Variants in KDM1A observed in about 807,000 individuals in gnomAD.
The protein encoded by KDM1A is lysine demethylase 1A.
KDM1A carries 49 observed loss-of-function variants against 109.4 expected under a neutral mutation model. The ratio of observed to expected loss-of-function variants is 0.45; its 90% confidence interval spans 0.36 to 0.57. The LOEUF (loss-of-function observed/expected upper bound fraction) is 0.57. KDM1A is among the 20% of genes least tolerant of loss of function. The pLI is 0.00. For synonymous variants in KDM1A, 380 were observed against 415.4 expected (o/e 0.91, Z 1.04); for missense variants, 668 against 1,116.6 (o/e 0.60, Z 5.73).
chr1:23,059,483 C>A, intron 9 of KDM1A: 1 of 373,618 alleles, frequency 2.7e-6, no homozygotes. Context: ...GGAATTGAAA[C>A]CTGATTCTTC....
chr1:23,070,558 C>T (rs1643287161), intron 12 of KDM1A, among the ~76,000 whole-genome samples: 1 of 152,038 alleles, frequency 6.6e-6, no homozygotes, highest in South Asian at 2.1e-4. Flanking sequence ...CCTGTAATCC[C>T]AGCACTTTGG....
chr1:23,059,828 A>T (rs776502138), intron 9 of KDM1A, among the ~76,000 whole-genome samples: 3 of 152,236 alleles, frequency 2.0e-5, no homozygotes, highest in Non-Finnish European at 4.4e-5. Flanking sequence ...GACTGCCTTT[A>T]TCAAAATGAG....
chr1:23,042,634 A>G (rs1488211072), intron 2 of KDM1A, among the ~76,000 whole-genome samples: 3 of 149,228 alleles, frequency 2.0e-5, no homozygotes, highest in Admixed American at 6.7e-5. Context: ...TTGTATTTTT[A>G]GTAGAGACGG....
chr1:23,071,933 C>T (rs993119316), intron 13 of KDM1A, among the ~76,000 whole-genome samples, 191 bp from the exon 14 acceptor site: 2 of 152,038 alleles, frequency 1.3e-5, no homozygotes, highest in African/African-American at 4.8e-5. Context: ...ATATTCCAGG[C>T]CCCCAACTGT....
intron 2 of KDM1A, among the ~76,000 whole-genome samples, chr1:23,043,471 G>T (rs1008390518): frequency 2.0e-5 from 3 of 152,060 alleles, no homozygotes; most frequent in African/African-American, 7.2e-5. Context: ...CTTTCTTATT[G>T]GGGTACGTAT....
intron 1 of KDM1A, among the ~76,000 whole-genome samples, chr1:23,025,668 T>C (rs939171190): frequency 1.3e-5 from 2 of 152,064 alleles, no homozygotes; most frequent in Admixed American, 6.6e-5. Flanking sequence ...AGAAATAATC[T>C]TCAGAGGAGG....
At chr1:23,032,614 C>G (rs944870089) in intron 2 of KDM1A, among the ~76,000 whole-genome samples, 2 of 152,064 alleles carry the variant, frequency 1.3e-5, no homozygotes, top group African/African-American at 4.8e-5. Flanking sequence ...AATAGTGATT[C>G]TTCCTTTAAA....
At chr1:23,050,217 T>TTTAA (rs1318118589) in intron 3 of KDM1A, among the ~76,000 whole-genome samples, 170 bp from the exon 4 acceptor site, 1 of 152,232 alleles carries the variant, frequency 6.6e-6, no homozygotes, top group Non-Finnish European at 1.5e-5. Context: ...AACTTTGGAA[T>TTTAA]GTTAAGCTCA....
At position 23,019,490 on chromosome 1, in the gene KDM1A, G is replaced by A. The variant is rs1641534668; in HGVS notation, c.-107G>A. The A allele has an allele frequency of 3.9e-6, 5 of 1,291,392 alleles. No homozygotes were observed. Among genetic ancestry groups the A allele is most frequent in the Non-Finnish European group, 4.9e-6 (5 of 1,019,912 alleles). 80.0% of individuals were successfully genotyped at this position (1,291,392 alleles called of 1,614,324 possible). ...CTTGGCGCGTGCGTACGCGACGGCGGTTGGCGGCGCGCGGGCAGCGTGAAG... is the reference window on the plus strand; with the variant it reads ...CTTGGCGCGTGCGTACGCGACGGCGATTGGCGGCGCGCGGGCAGCGTGAAG... On this transcript the variant is annotated 5_prime_UTR_variant, in exon 1 of 21. Transcript: ENST00000400181.
Position 23,068,361 on chromosome 1 carries a change from T to A in KDM1A, c.1180-178T>A, listed in dbSNP as rs1284972610. 3.9e-5 allele frequency among the ~76,000 whole-genome samples: 6 copies of A among 152,302 alleles called. No homozygotes were observed. The South Asian group carries it at 1.2e-3, about 32-fold the overall frequency. ...AAATTGTCAGGGCCCAAACATTTCA[T>A]ATCTCATTTAAATGGATCTGACCAC... On this transcript the variant is annotated intron_variant, in intron 10 of 20. Transcript: ENST00000400181.
chr1:23,037,622 G>A (rs1167201791), intron 2 of KDM1A, among the ~76,000 whole-genome samples: 4 of 152,178 alleles, frequency 2.6e-5, no homozygotes, highest in African/African-American at 7.2e-5. Context: ...TAGTCACCAT[G>A]TTGTATAATA....
intron 1 of KDM1A, among the ~76,000 whole-genome samples, chr1:23,023,032 A>G (rs1196891960): frequency 6.6e-6 from 1 of 152,016 alleles, no homozygotes; most frequent in African/African-American, 2.4e-5. Context: ...GTGGTATCTC[A>G]TTGTGGTTTT....
At chr1:23,049,772 T>C (rs1016453695) in intron 3 of KDM1A, among the ~76,000 whole-genome samples, 1 of 152,198 alleles carries the variant, frequency 6.6e-6, no homozygotes, top group Non-Finnish European at 1.5e-5. Flanking sequence ...AGATTATACA[T>C]AGTAATATTA....
chr1:23,061,338 G>A (rs1200032014), intron 9 of KDM1A, among the ~76,000 whole-genome samples: 1 of 152,134 alleles, frequency 6.6e-6, no homozygotes, highest in South Asian at 2.1e-4. Flanking sequence ...AGCCCTTTGA[G>A]TAGCACTATA....
At chr1:23,072,676 G>T (rs1016876668) in intron 14 of KDM1A, among the ~76,000 whole-genome samples, 7 of 152,020 alleles carry the variant, frequency 4.6e-5, no homozygotes, top group African/African-American at 1.7e-4. Flanking sequence ...ATGGGATCTC[G>T]CTCTTGTTGC....
intron 3 of KDM1A, among the ~76,000 whole-genome samples, chr1:23,044,983 G>A (rs1400542054): frequency 5.9e-5 from 9 of 152,146 alleles, no homozygotes; most frequent in Non-Finnish European, 5.9e-5. Flanking sequence ...TTAACATTAC[G>A]TAGTTAATCA....
chr1:23,049,214 A>G (rs960829886), intron 3 of KDM1A, among the ~76,000 whole-genome samples: 1 of 150,334 alleles, frequency 6.7e-6, no homozygotes, highest in Non-Finnish European at 1.5e-5. Context: ...TGTTACTTAT[A>G]TGTAATTACT....
intron 16 of KDM1A, 63 bp from the exon 17 acceptor site, chr1:23,078,927 G>T (rs1247386226): frequency 7.5e-7 from 1 of 1,328,918 alleles, no homozygotes; most frequent in South Asian, 1.3e-5. Context: ...TACACTAAAT[G>T]TTCAGTGTCC....
rs1484458549 is a variant in KDM1A, at chr1:23,055,144, G to C, written c.866G>C (p.Arg289Thr). Residue 289 changes from arginine (R) to threonine (T), a missense_variant, in exon 6 of 21, where the codon AGG (arginine) becomes ACG (threonine). This residue lies in a region of KDM1A where 149 missense variants were observed against 189.7 expected (regional missense o/e 0.79). Coordinates refer to ENST00000400181, the MANE Select transcript of KDM1A (RefSeq NM_001009999.3). ...CTTATCAACTTCGGCATCTATAAGAGGATAAAACCCCTACCAAGTAAGGAC... is the reference window on the plus strand; with the variant it reads ...CTTATCAACTTCGGCATCTATAAGACGATAAAACCCCTACCAAGTAAGGAC... ...HGLINFGIYK[R>T]IKPLPTKKTG... The C allele has an allele frequency of 6.2e-7, 1 of 1,608,130 alleles. No individual in the cohort carries two copies. The highest frequency in any genetic ancestry group is 8.5e-7 in the Non-Finnish European group (1 of 1,177,532).
Sources: allele counts gnomAD v4.1 joint callset (sites outside exome capture counted in the v4.1 genomes callset), GRCh38; gene constraint gnomAD v4.1.1; regional missense constraint gnomAD v4.1.1; transcripts MANE v1.5; gene names NCBI Gene and HGNC (gene_info 2026-07-23, HGNC 2026-07-21).